The following ALK variants were observed in gnomAD, a reference collection of about 807,000 sequenced individuals.
The protein encoded by ALK is ALK receptor tyrosine kinase, also known as ALK tyrosine kinase receptor.
ALK carries 74 observed loss-of-function variants against 163.1 expected under a neutral mutation model. The ratio of observed to expected loss-of-function variants is 0.45; its 90% CI spans 0.38 to 0.55. The LOEUF (loss-of-function observed/expected upper bound fraction) is 0.55. Among genes scored for constraint, ALK ranks in the 20% least tolerant of loss-of-function variants. The probability of loss-of-function intolerance (pLI) is 0.00; values close to 1 mark genes in which losing one functional copy is unlikely to be tolerated. For synonymous variants in ALK, 960 were observed against 843.2 expected (o/e 1.14, Z -2.40); for missense variants, 2,063 against 2,105.3 (o/e 0.98, Z 0.39).
chr2:29,685,723 A>G (rs77889281), intron 3 of ALK, among the ~76,000 whole-genome samples: 2,513 of 152,284 alleles, frequency 0.017, 66 homozygotes, highest in African/African-American at 0.056. Context: ...TGCAGTAACA[A>G]ATTACCAGAA....
intron 1 of ALK, among the ~76,000 whole-genome samples, chr2:29,907,923 T>C (rs1667592893): frequency 6.6e-6 from 1 of 152,128 alleles, no homozygotes; most frequent in Admixed American, 6.5e-5. Context: ...ACCATAAGTC[T>C]TCAAGGTTCC....
chr2:29,887,118 C>A (rs1048056566), intron 1 of ALK, among the ~76,000 whole-genome samples: 1 of 152,166 alleles, frequency 6.6e-6, no homozygotes, highest in African/African-American at 2.4e-5. Context: ...TGGTTTAAAG[C>A]AACAACCATT....
intron 1 of ALK, among the ~76,000 whole-genome samples, chr2:29,760,972 C>G (rs1340937945): frequency 6.6e-6 from 1 of 152,190 alleles, no homozygotes; most frequent in African/African-American, 2.4e-5. Context: ...AAACAACTGC[C>G]TGGGGCTGTA....
intron 11 of ALK, among the ~76,000 whole-genome samples, chr2:29,262,605 A>G (rs986839550): frequency 1.2e-4 from 18 of 152,250 alleles, no homozygotes; most frequent in African/African-American, 4.3e-4. Flanking sequence ...CTCCAGACAC[A>G]GTTTCTCTAG....
intron 4 of ALK, among the ~76,000 whole-genome samples, chr2:29,448,238 T>G (rs4341891): frequency 0.57 from 86,774 of 152,082 alleles, 24,951 homozygotes; most frequent in East Asian, 0.69. Context: ...GGAAACCTTT[T>G]TGATTTTCCA....
intron 4 of ALK, among the ~76,000 whole-genome samples, chr2:29,501,353 G>C (rs150865850): frequency 1.6e-3 from 251 of 152,308 alleles, no homozygotes; most frequent in Non-Finnish European, 2.9e-3. Context: ...GAGGTCATCT[G>C]TTACCTCTTA....
At position 29,622,029 on chromosome 2, in the gene ALK, C is replaced by A. The variant is rs1676051446; in HGVS notation, c.952+72821G>T. ...GCTGCCAGATGAGCCACAGTACAGG[C>A]TAACCTCATTTAGTGAAGCACCAAT... On this transcript the variant is annotated intron_variant, in intron 3 of 28. Transcript: ENST00000389048. 2.0e-5 allele frequency among the ~76,000 whole-genome samples: 3 copies of A among 152,260 alleles called. No homozygotes were observed. In the South Asian group the frequency reaches 6.2e-4, roughly 32 times the overall value.
At chr2:29,375,564 G>T (rs536183693) in intron 5 of ALK, among the ~76,000 whole-genome samples, 1 of 152,064 alleles carries the variant, frequency 6.6e-6, no homozygotes, top group African/African-American at 2.4e-5. Context: ...TGATCTGCCC[G>T]CCTCGGCCTC....
At chr2:29,494,701 T>C (rs900506435) in intron 4 of ALK, among the ~76,000 whole-genome samples, 1 of 152,100 alleles carries the variant, frequency 6.6e-6, no homozygotes, top group Non-Finnish European at 1.5e-5. Context: ...GGGTTCCAGG[T>C]CTGCCTGGCC....
At chr2:29,573,787 C>G (rs527489510) in intron 3 of ALK, among the ~76,000 whole-genome samples, 1 of 152,266 alleles carries the variant, frequency 6.6e-6, no homozygotes, top group African/African-American at 2.4e-5. Flanking sequence ...TGTCAGTGCT[C>G]ATGACTACAC....
chr2:29,635,905 A>G (rs1031394844), intron 3 of ALK, among the ~76,000 whole-genome samples: 1 of 152,084 alleles, frequency 6.6e-6, no homozygotes, highest in African/African-American at 2.4e-5. Context: ...TGCTGGGATT[A>G]CAGGCATGAG....
In ALK at chr2:29,193,626, C is replaced by T. The variant is rs2148138242; in HGVS notation, c.4461G>A (p.Ser1487=). The T allele has an allele frequency of 3.1e-6, 5 of 1,614,228 alleles. No homozygotes were observed. The highest frequency in any genetic ancestry group is 2.2e-5 in the East Asian group (1 of 44,888). ...TGGATCCGTGGACCTTGTGCAACTC[C>T]GAAGGAGGGTTGGACTGAGAGAATG... is the stretch of plus-strand genomic sequence containing the variant. ...NMAFSQSNPP[S]ELHKVHGSRN... Residue 1487 remains serine, a synonymous_variant, in exon 29 of 29, where the codon TCG becomes TCA. Transcript: ENST00000389048.
At chr2:29,193,984 TA>T in intron 28 of ALK, 62 bp from the exon 29 acceptor site, 1 of 1,476,150 alleles carries the variant, frequency 6.8e-7, no homozygotes, top group Non-Finnish European at 9.4e-7. Context: ...ATCTAGAAGA[TA>T]CCTTAGAGAT....
intron 4 of ALK, among the ~76,000 whole-genome samples, chr2:29,528,463 C>A (rs932798468): frequency 1.3e-5 from 2 of 152,196 alleles, no homozygotes; most frequent in Non-Finnish European, 2.9e-5. Context: ...CACTAGCGAT[C>A]TTAGCTCAGC....
intron 8 of ALK, among the ~76,000 whole-genome samples, chr2:29,315,347 C>T (rs1022636641): frequency 3.3e-5 from 5 of 152,168 alleles, no homozygotes; most frequent in Admixed American, 2.6e-4. Flanking sequence ...ATGCCTCCAT[C>T]ATGGGGGGCT....
rs148008992 is a variant in ALK, at chr2:29,494,009, G to A, written c.1154+37906C>T. 3.8e-4 allele frequency among the ~76,000 whole-genome samples: 58 copies of A among 152,314 alleles called. No individual in the cohort carries two copies. In the East Asian group the frequency reaches 8.7e-3, roughly 23 times the overall value. On this transcript the variant is annotated intron_variant, in intron 4 of 28. Coordinates refer to ENST00000389048, the MANE Select transcript of ALK (RefSeq NM_004304.5). ...TATACTGGCTCTCCACTAACTTGTC[G>A]TGGGCCCTCAGGCAGGTTGCTCAGT...
intron 1 of ALK, among the ~76,000 whole-genome samples, chr2:29,863,397 C>T (rs987248457): frequency 6.6e-6 from 1 of 151,978 alleles, no homozygotes; most frequent in Non-Finnish European, 1.5e-5. Context: ...ATGTCCAAAA[C>T]GTATAAAGTA....
intron 4 of ALK, among the ~76,000 whole-genome samples, chr2:29,477,696 C>T (rs761506198): frequency 1.3e-5 from 2 of 152,166 alleles, no homozygotes; most frequent in Non-Finnish European, 2.9e-5. Context: ...GGTACAGTGA[C>T]AGCAGGCAGA....
At chr2:29,827,930 C>G (rs1408661182) in intron 1 of ALK, among the ~76,000 whole-genome samples, 1 of 152,212 alleles carries the variant, frequency 6.6e-6, no homozygotes, top group African/African-American at 2.4e-5. Flanking sequence ...TACAAGGCTA[C>G]AGTAACCAAA....
Sources: gnomAD v4.1 joint callset for allele counts (sites outside exome capture counted in the v4.1 genomes callset) on GRCh38, gnomAD v4.1.1 for gene constraint, MANE v1.5 for transcripts, NCBI Gene and HGNC (gene_info 2026-07-23, HGNC 2026-07-21) for gene names.